Variants in DCBLD2 observed in about 807,000 individuals in gnomAD.
DCBLD2 encodes discoidin, CUB and LCCL domain-containing protein 2.
In DCBLD2, 54 loss-of-function variants were observed where a neutral mutation model predicts 86.8. The observed-to-expected ratio is 0.62, with a 90% CI of 0.50 to 0.78. The LOEUF (loss-of-function observed/expected upper bound fraction) is 0.78, where lower values mean the gene tolerates loss of function less well. Ranked by LOEUF, DCBLD2 falls within the 30% of genes least tolerant of loss-of-function variation. DCBLD2 has a pLI of 0.00. For synonymous variants in DCBLD2, 354 were observed against 341.3 expected, an observed-to-expected ratio of 1.04 and a Z score of -0.41; for missense variants, 908 against 954.2, an observed-to-expected ratio of 0.95 and a Z score of 0.64.
Position 98,891,059 on chromosome 3 carries a change from G to A in DCBLD2, c.206-9292C>T, listed in dbSNP as rs534487482. Among the ~76,000 whole-genome samples, 23 of 152,148 alleles carry A rather than the reference G, an allele frequency of 1.5e-4. 1 individual carries two copies. The South Asian group carries it at 4.8e-3, about 32-fold the overall frequency. ...CAGACAAGACCCCTGTCCTTACAGA[G>A]TTTACAATATAGGGAGTAAGACAAA... On this transcript the variant is annotated intron_variant, in intron 1 of 15. Coordinates refer to ENST00000326840, the MANE Select transcript of DCBLD2 (RefSeq NM_080927.4).
intron 12 of DCBLD2, 25 bp from the exon 13 acceptor site, chr3:98,808,199 A>G (rs770268811): frequency 6.4e-7 from 1 of 1,570,048 alleles, no homozygotes; most frequent in Non-Finnish European, 8.6e-7. Flanking sequence ...ACAAAAACAG[A>G]CAAACAAAAG....
intron 3 of DCBLD2, among the ~76,000 whole-genome samples, chr3:98,826,523 G>A (rs949264176): frequency 2.6e-5 from 4 of 152,170 alleles, no homozygotes; most frequent in African/African-American, 9.7e-5. Flanking sequence ...ATAAACAGAT[G>A]ACTATTCTGT....
intron 3 of DCBLD2, among the ~76,000 whole-genome samples, chr3:98,825,643 T>TA (rs1942202476): frequency 7.0e-5 from 8 of 115,100 alleles, no homozygotes; most frequent in Non-Finnish European, 1.3e-4. Context: ...ATATGTGTAT[T>TA]TATATATATA....
At chr3:98,807,951 G>T in intron 13 of DCBLD2, 130 bp downstream of exon 13, 2 of 602,298 alleles carry the variant, frequency 3.3e-6, no homozygotes, top group African/African-American at 1.9e-5. Context: ...TAAAGGAGAA[G>T]CATGAAATTT....
At position 98,819,352 on chromosome 3, in the gene DCBLD2, C is replaced by G; in HGVS notation, c.937G>C (p.Val313Leu). 1 of 1,613,802 alleles carries G rather than the reference C, an allele frequency of 6.2e-7. No individual in the cohort carries two copies. The highest frequency in any genetic ancestry group is 8.5e-7 in the Non-Finnish European group (1 of 1,179,770). ...CCTGTGTGGTCAGTCCACTCCAGCA[C>G]AGATGATGCTGTTATTTGAGGATCC... ...IADPQITASS[V>L]LEWTDHTGQE... The change falls in exon 8 of 16, where the codon GTG (valine) becomes CTG (leucine). Residue 313 changes from valine (V) to leucine (L), a missense_variant. Around this residue, in one of 3 missense-constraint regions of DCBLD2, gnomAD observed 606 missense variants for 678.5 expected, o/e 0.89. Transcript: ENST00000326840.
chr3:98,822,826 T>G, intron 4 of DCBLD2, 85 bp from the exon 5 acceptor site: 1 of 1,186,366 alleles, frequency 8.4e-7, no homozygotes, highest in South Asian at 1.5e-5. Context: ...CACAGACACA[T>G]TTTTCAGTTC....
At chr3:98,893,836 T>C (rs1044758540) in intron 1 of DCBLD2, among the ~76,000 whole-genome samples, 1 of 152,188 alleles carries the variant, frequency 6.6e-6, no homozygotes. Context: ...GAAGTCATAC[T>C]GTGCAAGGAT....
In DCBLD2 at chr3:98,820,302, G is replaced by A; in HGVS notation, c.831-14C>T. ...GATAAGTGTCCCCTGAAAGAGAGAA[G>A]GGTTTTTTTTGGTGATACTCACATA... is the stretch of plus-strand genomic sequence containing the variant. On this transcript the variant is annotated splice_polypyrimidine_tract_variant and intron_variant, in intron 6 of 15. Transcript: ENST00000326840. 1 of 1,456,574 alleles carries A rather than the reference G, an allele frequency of 6.9e-7. No homozygotes were observed. The highest frequency in any genetic ancestry group is 9.1e-7 in the Non-Finnish European group (1 of 1,104,434). 90.2% of individuals were successfully genotyped at this position (1,456,574 alleles called of 1,614,324 possible).
intron 9 of DCBLD2, chr3:98,815,908 A>AC (rs1303858012): frequency 6.6e-6 from 1 of 151,842 alleles, no homozygotes; most frequent in African/African-American, 2.4e-5. Flanking sequence ...ATGGTAAGAT[A>AC]CCTTCAAGGG....
At chr3:98,874,136 T>C (rs1417862785) in intron 2 of DCBLD2, among the ~76,000 whole-genome samples, 3 of 152,200 alleles carry the variant, frequency 2.0e-5, no homozygotes, top group Non-Finnish European at 4.4e-5. Context: ...CAGGCTAAAA[T>C]AGCTTCACAG....
At chr3:98,900,988 G>A in intron 1 of DCBLD2, 134 bp downstream of exon 1, 1 of 1,451,872 alleles carries the variant, frequency 6.9e-7, no homozygotes, top group Non-Finnish European at 9.2e-7. Flanking sequence ...AACCCCGTGA[G>A]TACCCAGCCA....
At chr3:98,875,288 A>G (rs923200550) in intron 2 of DCBLD2, among the ~76,000 whole-genome samples, 4 of 152,188 alleles carry the variant, frequency 2.6e-5, no homozygotes, top group African/African-American at 9.6e-5. Context: ...ATATAACAGC[A>G]AAACAAAAAC....
chr3:98,796,694 C>T lies in DCBLD2; in HGVS notation c.*2678G>A, dbSNP rs1344411103. The T allele has an allele frequency of 6.6e-6, 1 of 152,602 alleles. No homozygotes were observed. Among genetic ancestry groups the T allele is most frequent in the East Asian group, 1.9e-4 (1 of 5,192 alleles). The allele number at this position is 152,602 out of a possible 1,614,324, so 9.5% of individuals were successfully genotyped here. A position where few individuals can be genotyped will look rare whatever the true frequency, so the allele number is the denominator to read the frequency against. ...GAACTTAAATAAACTGGACTAGACC[C>T]ATCACATCCAACAGGATCTATTTAG... On this transcript the variant is annotated 3_prime_UTR_variant, in exon 16 of 16. Transcript: ENST00000326840.
intron 2 of DCBLD2, among the ~76,000 whole-genome samples, chr3:98,871,048 A>G (rs1943275032): frequency 6.6e-6 from 1 of 150,632 alleles, no homozygotes; most frequent in Non-Finnish European, 1.5e-5. Context: ...TTTTTTTGCA[A>G]CAATTGTAAA....
chr3:98,901,106 C>T lies in DCBLD2; in HGVS notation c.205+16G>A. ...ACGGAGGTTCCCCCGCCGCTCACTC[C>T]CCTGGGACCACTCACCTTGCTGGGC... On this transcript the variant is annotated intron_variant, in intron 1 of 15. Transcript: ENST00000326840. 1 of 1,539,166 alleles carries T rather than the reference C, an allele frequency of 6.5e-7. No homozygotes were observed. The highest frequency in any genetic ancestry group is 8.7e-7 in the Non-Finnish European group (1 of 1,146,582).
intron 9 of DCBLD2, chr3:98,816,434 G>A (rs1352486266): frequency 6.6e-6 from 1 of 152,110 alleles, no homozygotes; most frequent in Non-Finnish European, 1.5e-5. Flanking sequence ...CAAAATAAAT[G>A]TGATACAAAT....
chr3:98,835,504 C>T (rs1367697860), intron 3 of DCBLD2, among the ~76,000 whole-genome samples: 1 of 146,266 alleles, frequency 6.8e-6, no homozygotes, highest in African/African-American at 2.5e-5. Flanking sequence ...CAAATATGTG[C>T]CAGGTTCACT....
chr3:98,877,342 G>A (rs989585003), intron 2 of DCBLD2, among the ~76,000 whole-genome samples: 3 of 152,104 alleles, frequency 2.0e-5, no homozygotes, highest in East Asian at 1.9e-4. Flanking sequence ...CCTCAGGTAC[G>A]AATTCTAGGT....
intron 1 of DCBLD2, among the ~76,000 whole-genome samples, chr3:98,885,694 C>T (rs977115768): frequency 4.0e-5 from 6 of 151,794 alleles, no homozygotes; most frequent in South Asian, 2.1e-4. Context: ...ACTTAAAATA[C>T]GACAAAATAT....
Sources: gnomAD v4.1 joint callset for allele counts (sites outside exome capture counted in the v4.1 genomes callset) on GRCh38, gnomAD v4.1.1 for gene constraint, gnomAD v4.1.1 regional missense constraint, MANE v1.5 for transcripts, NCBI Gene and HGNC (gene_info 2026-07-23, HGNC 2026-07-21) for gene names.